NEK11: variants seen among roughly 807,000 people sequenced by gnomAD.
NEK11 encodes serine/threonine-protein kinase Nek11.
A neutral mutation model predicts 80.7 loss-of-function variants in NEK11; 72 were observed. That is an observed-to-expected ratio of 0.89 (90% confidence interval 0.74 to 1.08). The LOEUF (loss-of-function observed/expected upper bound fraction) is 1.08. Among genes scored for constraint, NEK11 ranks in the 50% least tolerant of loss-of-function variants. The probability of loss-of-function intolerance (pLI) is 0.00; values close to 1 mark genes in which losing one functional copy is unlikely to be tolerated. For missense variants in NEK11, 764 were observed against 763.6 expected (o/e 1.00, Z -0.01); for synonymous variants, 251 against 260.7 (o/e 0.96, Z 0.36).
chr3:131,044,054 A>G (rs1226981840), intron 3 of NEK11, among the ~76,000 whole-genome samples: 1 of 152,212 alleles, frequency 6.6e-6, no homozygotes, highest in Non-Finnish European at 1.5e-5. Flanking sequence ...CTTTACAGAC[A>G]AGCAAATACT....
chr3:131,133,270 A>G, intron 6 of NEK11: 2 of 455,792 alleles, frequency 4.4e-6, no homozygotes, highest in South Asian at 3.1e-5. Flanking sequence ...ACCTCTCCTC[A>G]TAACAGCTAC....
chr3:131,200,770 G>T (rs1214588871), intron 14 of NEK11, among the ~76,000 whole-genome samples: 1 of 152,170 alleles, frequency 6.6e-6, no homozygotes, highest in East Asian at 1.9e-4. Context: ...CAGGGAGATG[G>T]AATTGAGGCT....
intron 17 of NEK11, among the ~76,000 whole-genome samples, chr3:131,341,052 C>T (rs918445810): frequency 6.6e-6 from 1 of 152,198 alleles, no homozygotes; most frequent in African/African-American, 2.4e-5. Flanking sequence ...TTAATTTGAA[C>T]AGCACAGAGA....
chr3:131,199,593 C>CTT (rs560511637), intron 14 of NEK11, among the ~76,000 whole-genome samples: 6 of 144,574 alleles, frequency 4.2e-5, no homozygotes, highest in Non-Finnish European at 6.1e-5. Context: ...GAATACAATG[C>CTT]TTTTTTTTTT....
At chr3:131,166,751 C>T (rs1486336892) in intron 12 of NEK11, among the ~76,000 whole-genome samples, 1 of 152,088 alleles carries the variant, frequency 6.6e-6, no homozygotes, top group Non-Finnish European at 1.5e-5. Flanking sequence ...GAGTGAAGAA[C>T]CTGCTGACTG....
intron 10 of NEK11, among the ~76,000 whole-genome samples, chr3:131,156,924 C>T (rs1353910981): frequency 2.7e-5 from 4 of 150,594 alleles, no homozygotes; most frequent in African/African-American, 9.8e-5. Flanking sequence ...ATCGAAAACA[C>T]TGAAGAGGCT....
At chr3:131,292,234 A>G (rs575445296) in intron 17 of NEK11, among the ~76,000 whole-genome samples, 1 of 152,132 alleles carries the variant, frequency 6.6e-6, no homozygotes, top group Non-Finnish European at 1.5e-5. Context: ...GACTACATTT[A>G]TGTGGGTCTA....
At chr3:131,269,215 G>A (rs933035889) in intron 16 of NEK11, among the ~76,000 whole-genome samples, 1 of 152,192 alleles carries the variant, frequency 6.6e-6, no homozygotes, top group African/African-American at 2.4e-5. Context: ...CTGTGGGGGT[G>A]GGATCCGCTG....
At chr3:131,162,597 A>G (rs540481384) in intron 11 of NEK11, 70 bp downstream of exon 11, 2 of 1,580,392 alleles carry the variant, frequency 1.3e-6, no homozygotes, top group South Asian at 2.3e-5. Context: ...ATTTACAGAG[A>G]AAAGCAAAAA....
intron 15 of NEK11, among the ~76,000 whole-genome samples, chr3:131,232,456 C>T (rs927036586): frequency 1.8e-4 from 28 of 152,162 alleles, no homozygotes; most frequent in African/African-American, 6.5e-4. Flanking sequence ...CACAAATCTT[C>T]CTCGGAAGGG....
intron 17 of NEK11, among the ~76,000 whole-genome samples, chr3:131,344,834 T>A (rs2097337697): frequency 6.6e-6 from 1 of 151,948 alleles, no homozygotes; most frequent in Admixed American, 6.6e-5. Context: ...TCATTCCCTA[T>A]CACAAGGACA....
chr3:131,224,607 A>G (rs938413013), intron 14 of NEK11, among the ~76,000 whole-genome samples: 2 of 152,170 alleles, frequency 1.3e-5, no homozygotes, highest in Non-Finnish European at 2.9e-5. Flanking sequence ...AGCCTTGGGC[A>G]GGTCCTTCGG....
chr3:131,109,652 G>A (rs565573394), intron 4 of NEK11, 151 bp from the exon 5 acceptor site: 2 of 787,708 alleles, frequency 2.5e-6, no homozygotes, highest in East Asian at 2.8e-5. Flanking sequence ...AACCTGGATA[G>A]ACTTTGATTA....
At chr3:131,293,591 T>TTTTTTTTTTTTTTTTTTTTTTTTTTTG (rs2096566006) in intron 17 of NEK11, among the ~76,000 whole-genome samples, 1 of 152,086 alleles carries the variant, frequency 6.6e-6, no homozygotes, top group African/African-American at 2.4e-5. Flanking sequence ...TATTTTGGTT[T>TTTTTTTTTTTTTTTTTTTTTTTTTTTG]AGGTTGATGG....
rs527894513 is a variant in NEK11, at chr3:131,257,548, C to T, written c.1621+14052C>T. 6.6e-5 allele frequency among the ~76,000 whole-genome samples: 10 copies of T among 152,240 alleles called. 1 individual carries two copies. Among genetic ancestry groups the T allele is most frequent in the South Asian group, 4.2e-4 (2 of 4,818 alleles). ...GATGTGAAAGGAGAGATGGCCCTTG[C>T]GGTGTCTTGTGGAAACATCTCCTCT... is the stretch of plus-strand genomic sequence containing the variant. On this transcript the variant is annotated intron_variant, in intron 16 of 17. Coordinates refer to ENST00000383366, the MANE Select transcript of NEK11 (RefSeq NM_024800.5).
At chr3:131,239,666 C>A (rs1392424522) in intron 15 of NEK11, among the ~76,000 whole-genome samples, 3 of 152,140 alleles carry the variant, frequency 2.0e-5, no homozygotes, top group African/African-American at 7.2e-5. Context: ...AGTTTTCACA[C>A]CTTCAAGGTG....
intron 17 of NEK11, chr3:131,330,365 G>A (rs1324334604): frequency 1.3e-5 from 2 of 152,126 alleles, no homozygotes; most frequent in Non-Finnish European, 2.9e-5. Flanking sequence ...CTGAATACAT[G>A]AGTCTGGAGT....
intron 14 of NEK11, among the ~76,000 whole-genome samples, chr3:131,222,624 T>C (rs2095061232): frequency 1.3e-5 from 2 of 152,352 alleles, no homozygotes; most frequent in South Asian, 4.1e-4. Flanking sequence ...GGTTGAAATA[T>C]GTAGAAATAG....
chr3:131,122,755 A>T (rs1053830537), intron 5 of NEK11, among the ~76,000 whole-genome samples: 1 of 152,200 alleles, frequency 6.6e-6, no homozygotes, highest in African/African-American at 2.4e-5. Context: ...CTTGGGCTGG[A>T]GGCCTGAGAA....
Sources: allele counts gnomAD v4.1 joint callset (sites outside exome capture counted in the v4.1 genomes callset), GRCh38; gene constraint gnomAD v4.1.1; transcripts MANE v1.5; gene names NCBI Gene and HGNC (gene_info 2026-07-23, HGNC 2026-07-21).